N4BP2L2: variants seen among roughly 807,000 people sequenced by gnomAD.
N4BP2L2 encodes NEDD4 binding protein 2 like 2, also known as NEDD4-binding protein 2-like 2.
A neutral mutation model predicts 56.2 loss-of-function variants in N4BP2L2; 50 were observed. That is an observed-to-expected ratio of 0.89 (90% confidence interval 0.71 to 1.13). The LOEUF is 1.13. Among genes scored for constraint, N4BP2L2 ranks in the 50% most tolerant of loss-of-function variants. The pLI is 0.00. For synonymous variants in N4BP2L2, 203 were observed against 223.6 expected (o/e 0.91, Z 0.82); for missense variants, 689 against 693.8 (o/e 0.99, Z 0.08).
At position 32,526,155 on chromosome 13, in the gene N4BP2L2, A is replaced by T. The variant is rs1287206869; in HGVS notation, c.1384+1253T>A. Among the ~76,000 whole-genome samples, 4 of 152,230 alleles carry T rather than the reference A, an allele frequency of 2.6e-5. No homozygotes were observed. In the East Asian group the frequency reaches 7.7e-4, roughly 29 times the overall value. ...CACCAAGAAGCAAATAGACAACTAC[A>T]GCATGTGGAACTTTCTACAGGACAA... is the stretch of plus-strand genomic sequence containing the variant. On this transcript the variant is annotated intron_variant, in intron 3 of 5. Coordinates refer to ENST00000267068, the Ensembl canonical transcript of N4BP2L2.
At chr13:32,459,956 C>T (rs570784660) in intron 6 of N4BP2L2, among the ~76,000 whole-genome samples, 37 of 152,208 alleles carry the variant, frequency 2.4e-4, no homozygotes, top group African/African-American at 8.7e-4. Context: ...GGATAATACA[C>T]TATAAGCAAG....
chr13:32,534,043 T>C (rs939068809), intron 2 of N4BP2L2, among the ~76,000 whole-genome samples: 4 of 152,188 alleles, frequency 2.6e-5, no homozygotes, highest in Non-Finnish European at 4.4e-5. Context: ...GAGCTCTTAC[T>C]AGTTTTTGTA....
chr13:32,488,946 A>G (rs994841693), intron 6 of N4BP2L2, among the ~76,000 whole-genome samples: 62 of 152,212 alleles, frequency 4.1e-4, no homozygotes, highest in Non-Finnish European at 8.8e-4. Context: ...GGTGGCACAC[A>G]CCTGCAATCT....
rs1594024422 is a variant in N4BP2L2, at chr13:32,518,122, A to G, written c.1551-119T>C. 11 of 896,964 alleles carry G rather than the reference A, an allele frequency of 1.2e-5. No homozygotes were observed. The East Asian group carries it at 3.0e-4, about 24-fold the overall frequency. 55.6% of individuals were successfully genotyped at this position (896,964 alleles called of 1,614,324 possible). ...AATATTTTGTAAATAAACAATATAT[A>G]TTTCATCTGTCCACATTTTATGTAA... On this transcript the variant is annotated intron_variant, in intron 5 of 5. Coordinates refer to ENST00000267068, the Ensembl canonical transcript of N4BP2L2.
At chr13:32,505,597 C>T (rs1213454898), downstream of N4BP2L2, 4 of 152,206 alleles carry the variant, frequency 2.6e-5, no homozygotes, top group Non-Finnish European at 5.9e-5. Flanking sequence ...TTAGAAATCT[C>T]AGCTAAACAT....
intron 5 of N4BP2L2, among the ~76,000 whole-genome samples, chr13:32,520,182 G>A (rs1368317530): frequency 6.6e-6 from 1 of 151,972 alleles, no homozygotes; most frequent in Non-Finnish European, 1.5e-5. Flanking sequence ...GGTAGAAGGG[G>A]AAAAACTGGT....
intron 6 of N4BP2L2, among the ~76,000 whole-genome samples, chr13:32,455,389 A>G (rs986837167): frequency 4.6e-5 from 7 of 152,070 alleles, no homozygotes; most frequent in African/African-American, 1.4e-4. Context: ...CAGCAACCCC[A>G]TTCTCCCAGC....
intron 8 of N4BP2L2, among the ~76,000 whole-genome samples, chr13:32,436,667 G>A (rs2075515630): frequency 1.3e-5 from 2 of 151,134 alleles, no homozygotes; most frequent in African/African-American, 2.4e-5. Context: ...GTGCATGCCT[G>A]TAGTCCCAGC....
chr13:32,537,947 G>T (rs987927547), intron 1 of N4BP2L2, among the ~76,000 whole-genome samples: 5 of 151,972 alleles, frequency 3.3e-5, no homozygotes, highest in African/African-American at 1.2e-4. Flanking sequence ...GCGCGCACTT[G>T]TGGTCCCAGC....
At chr13:32,523,630 GC>G (rs2051708726) in intron 3 of N4BP2L2, 1 of 148,574 alleles carries the variant, frequency 6.7e-6, no homozygotes, top group African/African-American at 2.5e-5. Flanking sequence ...GTTGCAGTGA[GC>G]CAAGATCGCA....
At chr13:32,433,786 C>T (rs1374445859) in intron 9 of N4BP2L2, among the ~76,000 whole-genome samples, 1 of 150,690 alleles carries the variant, frequency 6.6e-6, no homozygotes, top group Non-Finnish European at 1.5e-5. Context: ...AAAAAATTAG[C>T]TGGGCATGGT....
At chr13:32,486,219 G>A (rs1420071321) in intron 6 of N4BP2L2, among the ~76,000 whole-genome samples, 1 of 151,928 alleles carries the variant, frequency 6.6e-6, no homozygotes, top group Non-Finnish European at 1.5e-5. Context: ...CTACAAGAAT[G>A]TACACTCTCA....
intron 8 of N4BP2L2, chr13:32,438,615 C>A (rs1257354812): frequency 1.3e-6 from 2 of 1,496,400 alleles, no homozygotes; most frequent in Admixed American, 1.8e-5. Flanking sequence ...ACAACAACAA[C>A]AAAAATACAT....
chr13:32,521,221 T>G (rs773418301), intron 5 of N4BP2L2, 152 bp downstream of exon 5: 8 of 629,690 alleles, frequency 1.3e-5, no homozygotes, highest in Non-Finnish European at 2.0e-5. Flanking sequence ...TGCAGAGAAG[T>G]GGCCTAGCCA....
chr13:32,442,420 A>G lies in N4BP2L2; in HGVS notation c.2072T>C (p.Val691Ala), dbSNP rs375014357. 9 of 1,601,822 alleles carry G rather than the reference A, an allele frequency of 5.6e-6. No individual in the cohort carries two copies. The East Asian group carries it at 6.7e-5, about 12-fold the overall frequency. The change falls in exon 7 of 10, where the codon GTA becomes GCA. Residue 691 changes from valine to alanine, a missense_variant. Val to Ala is a moderately conservative substitution (Grantham distance 64). Coordinates refer to the N4BP2L2 transcript ENST00000357505. ...AACGCCTGGAGATCCAAAAAGCTTT[A>G]CTAATTGAAAGGCAAACCCTTGTGA...
chr13:32,492,797 GTATCAA>G (rs1330096151), intron 6 of N4BP2L2, among the ~76,000 whole-genome samples: 1 of 151,424 alleles, frequency 6.6e-6, no homozygotes, highest in Non-Finnish European at 1.5e-5. Context: ...AAAGTGCATG[GTATCAA>G]AAGTACAAAT....
At chr13:32,521,591 T>G (rs1452950883) in intron 4 of N4BP2L2, 142 bp from the exon 5 acceptor site, 2 of 584,196 alleles carry the variant, frequency 3.4e-6, no homozygotes, top group African/African-American at 1.9e-5. Flanking sequence ...TAATATGGTT[T>G]ATAACAGTTA....
Position 32,492,273 on chromosome 13 carries a change from A to ATTTTTTTTTTTTT in N4BP2L2, c.365+25571_365+25583dup, listed in dbSNP as rs72053635. 1.5e-4 allele frequency among the ~76,000 whole-genome samples: 11 copies of ATTTTTTTTTTTTT among 72,128 alleles called. 2 individuals carry two copies. Among genetic ancestry groups the ATTTTTTTTTTTTT allele is most frequent in the African/African-American group, 3.4e-4 (6 of 17,654 alleles). The allele number at this position is 72,128 out of a possible 152,430, so 47.3% of individuals were successfully genotyped here. A position where few individuals can be genotyped will look rare whatever the true frequency, so the allele number is the denominator to read the frequency against. ...TTTCTACACATCCCAAAACACCAAA[A>ATTTTTTTTTTTTT]TTTTTTTTTTTTTTTTTTTTTTTTT... On this transcript the variant is annotated intron_variant, in intron 6 of 9. Transcript: ENST00000357505.
chr13:32,472,874 T>C (rs1367649547), intron 6 of N4BP2L2, among the ~76,000 whole-genome samples: 1 of 152,224 alleles, frequency 6.6e-6, no homozygotes. Flanking sequence ...CCATTATTAA[T>C]ATGTACCTAC....
Sources: gnomAD v4.1 joint callset for allele counts (sites outside exome capture counted in the v4.1 genomes callset) on GRCh38, gnomAD v4.1.1 for gene constraint, MANE v1.5 for transcripts, NCBI Gene and HGNC (gene_info 2026-07-23, HGNC 2026-07-21) for gene names.